The following LIFR variants were observed in gnomAD, a reference collection of about 807,000 sequenced individuals.
The protein encoded by LIFR is LIF receptor subunit alpha, also known as leukemia inhibitory factor receptor.
LIFR carries 84 observed loss-of-function variants against 122.2 expected under a neutral mutation model. The ratio of observed to expected loss-of-function variants is 0.69; its 90% confidence interval spans 0.58 to 0.82. LIFR has a LOEUF of 0.82. LIFR is among the 40% of genes least tolerant of loss of function. LIFR has a pLI of 0.00. For synonymous variants in LIFR, 422 were observed against 434.7 expected, an observed-to-expected ratio of 0.97 and a Z score of 0.36; for missense variants, 1,294 against 1,311.6, an observed-to-expected ratio of 0.99 and a Z score of 0.21.
chr5:38,585,695 C>T (rs1749723538), intron 1 of LIFR, among the ~76,000 whole-genome samples: 1 of 151,980 alleles, frequency 6.6e-6, no homozygotes, highest in African/African-American at 2.4e-5. Flanking sequence ...CACATATGAA[C>T]CATTGTAAAT....
chr5:38,533,379 T>C (rs1747121235), intron 1 of LIFR, among the ~76,000 whole-genome samples: 1 of 152,226 alleles, frequency 6.6e-6, no homozygotes, highest in Admixed American at 6.5e-5. Context: ...ACTTCAATCT[T>C]AGACCATCAT....
chr5:38,507,174 G>A (rs969309512), intron 7 of LIFR, among the ~76,000 whole-genome samples: 6 of 151,566 alleles, frequency 4.0e-5, no homozygotes, highest in African/African-American at 1.2e-4. Flanking sequence ...CTCTTTTGTT[G>A]TTTTTCTCTT....
At chr5:38,521,717 G>A (rs1561171270) in intron 5 of LIFR, among the ~76,000 whole-genome samples, 1 of 152,158 alleles carries the variant, frequency 6.6e-6, no homozygotes, top group Non-Finnish European at 1.5e-5. Context: ...AACCCTCTGG[G>A]TCTTGAGCAG....
intron 1 of LIFR, among the ~76,000 whole-genome samples, chr5:38,547,345 C>A (rs1747951529): frequency 1.3e-5 from 2 of 152,044 alleles, no homozygotes; most frequent in Non-Finnish European, 2.9e-5. Flanking sequence ...TAACTTACAC[C>A]CTCTCAAAAT....
upstream of LIFR, among the ~76,000 whole-genome samples, chr5:38,560,268 A>G (rs1049067825): frequency 2.6e-5 from 4 of 152,220 alleles, no homozygotes; most frequent in Non-Finnish European, 5.9e-5. Flanking sequence ...TGACTGATAA[A>G]TGTAGACTTA....
chr5:38,479,113 C>T lies in LIFR; in HGVS notation c.*2482G>A. 4.3e-6 allele frequency: 1 copy of T among 232,244 alleles called. No homozygotes were observed. The highest frequency in any genetic ancestry group is 8.5e-6 in the Non-Finnish European group (1 of 117,444). The allele number at this position is 232,244 out of a possible 1,614,324, so 14.4% of individuals were successfully genotyped here. On this transcript the variant is annotated 3_prime_UTR_variant, in exon 20 of 20. Coordinates refer to ENST00000453190, the MANE Select transcript of LIFR (RefSeq NM_001127671.2). ...CCCCTCTTCCCGTGTTGTTACTCTC[C>T]CTACACACACAGGTTGGGGGGAGTA...
chr5:38,598,245 A>ATTTTT (rs1396004381), upstream of LIFR, among the ~76,000 whole-genome samples: 10 of 46,792 alleles, frequency 2.1e-4, no homozygotes, highest in South Asian at 8.3e-4. Flanking sequence ...TTATTTATTT[A>ATTTTT]TTTTTTTTTT....
At chr5:38,574,180 G>A (rs1749308869) in intron 1 of LIFR, among the ~76,000 whole-genome samples, 2 of 151,690 alleles carry the variant, frequency 1.3e-5, no homozygotes, top group Admixed American at 1.3e-4. Flanking sequence ...AGCCCGGCCT[G>A]CCACTGCATC....
At chr5:38,515,223 G>A (rs982343396) in intron 5 of LIFR, among the ~76,000 whole-genome samples, 2 of 152,108 alleles carry the variant, frequency 1.3e-5, no homozygotes, top group African/African-American at 4.8e-5. Flanking sequence ...CCTCTGTGAT[G>A]CCTCTGGCCA....
At position 38,511,777 on chromosome 5, in the gene LIFR, A is replaced by C; in HGVS notation, c.736+13T>G. 1 of 1,611,528 alleles carries C rather than the reference A, an allele frequency of 6.2e-7. No individual in the cohort carries two copies. Among genetic ancestry groups the C allele is most frequent in the South Asian group, 1.1e-5 (1 of 91,026 alleles). On this transcript the variant is annotated intron_variant, in intron 6 of 19. Transcript: ENST00000453190. ...ATTCATCTGAAACAAACATTCTTTA[A>C]ATATAAGCTTACAAGAAATGTTCTT...
chr5:38,496,539 T>A lies in LIFR; in HGVS notation c.1728A>T (p.Ser576=), dbSNP rs745888414. The A allele has an allele frequency of 6.2e-7, 1 of 1,613,978 alleles. No homozygotes were observed. The highest frequency in any genetic ancestry group is 8.5e-7 in the Non-Finnish European group (1 of 1,179,790). The change falls in exon 13 of 20, where the codon TCA becomes TCT. Residue 576 remains serine, a synonymous_variant. Coordinates refer to ENST00000453190, the MANE Select transcript of LIFR (RefSeq NM_001127671.2). ...AAAGGGACTGTGTTTCCTCATCTGA[T>A]GAACACGATACATTGTAGGAAAGTA... ...GKILSYNVSC[S]SDEETQSLSE... is the part of the protein sequence containing the mutation.
rs1743737735 is a variant in LIFR at position 38,476,679 on chromosome 5, T to A, written c.*4916A>T. The A allele has an allele frequency of 1.5e-5, 3 of 206,484 alleles. No individual in the cohort carries two copies. Among genetic ancestry groups the A allele is most frequent in the South Asian group, 1.9e-4 (1 of 5,304 alleles). 12.8% of individuals were successfully genotyped at this position (206,484 alleles called of 1,614,324 possible). ...CAGTCCCAGCAACCAAAAAAAAAAA[T>A]GTAAATCATATTTTGTTTCTGGCTA... On this transcript the variant is annotated 3_prime_UTR_variant, in exon 20 of 20. Coordinates refer to ENST00000453190, the MANE Select transcript of LIFR (RefSeq NM_001127671.2).
At chr5:38,489,322 T>C in intron 15 of LIFR, 77 bp from the exon 16 acceptor site, 7 of 1,127,338 alleles carry the variant, frequency 6.2e-6, no homozygotes, top group Non-Finnish European at 2.6e-6. Context: ...CTGAGCTTTC[T>C]AGCCTCAAAA....
Position 38,478,724 on chromosome 5 carries a change from T to C in LIFR, c.*2871A>G, listed in dbSNP as rs1743837394. ...GATTTGAAACTGGCTTGTAAGTGAA[T>C]TGACTTGTAAGAGAGGTAAAAATGT... is the stretch of plus-strand genomic sequence containing the variant. On this transcript the variant is annotated 3_prime_UTR_variant, in exon 20 of 20. Transcript: ENST00000453190. The C allele has an allele frequency of 4.7e-6, 1 of 212,280 alleles. No homozygotes were observed. 13.1% of individuals were successfully genotyped at this position (212,280 alleles called of 1,614,324 possible).
At chr5:38,538,003 T>C (rs1341393722) in intron 1 of LIFR, among the ~76,000 whole-genome samples, 1 of 152,232 alleles carries the variant, frequency 6.6e-6, no homozygotes, top group Non-Finnish European at 1.5e-5. Flanking sequence ...ATGCCGGGAC[T>C]ATGCAAATTG....
chr5:38,564,611 C>T (rs1308356902), intron 1 of LIFR, among the ~76,000 whole-genome samples: 3 of 151,888 alleles, frequency 2.0e-5, no homozygotes, highest in South Asian at 2.1e-4. Flanking sequence ...CACCAACAGC[C>T]GGGAGCATCC....
chr5:38,522,140 G>A (rs1231548144), intron 5 of LIFR, among the ~76,000 whole-genome samples: 2 of 152,174 alleles, frequency 1.3e-5, no homozygotes, highest in East Asian at 1.9e-4. Flanking sequence ...AGTGGGGAAC[G>A]CACAATTTGC....
chr5:38,494,805 G>C (rs1348872554), intron 13 of LIFR, among the ~76,000 whole-genome samples: 4 of 152,204 alleles, frequency 2.6e-5, no homozygotes, highest in African/African-American at 9.6e-5. Flanking sequence ...ACGGGATGCA[G>C]CCATGGGAGA....
intron 1 of LIFR, among the ~76,000 whole-genome samples, chr5:38,573,760 G>A (rs568266357): frequency 6.6e-6 from 1 of 152,244 alleles, no homozygotes; most frequent in East Asian, 1.9e-4. Flanking sequence ...GCACTTTCCT[G>A]ATTTTGTCAC....
Sources: gnomAD v4.1 joint callset for allele counts (sites outside exome capture counted in the v4.1 genomes callset) on GRCh38, gnomAD v4.1.1 for gene constraint, MANE v1.5 for transcripts, NCBI Gene and HGNC (gene_info 2026-07-23, HGNC 2026-07-21) for gene names.